The following P2RX1 variants were observed in gnomAD, a reference collection of about 807,000 sequenced individuals.
P2RX1 encodes the protein purinergic receptor P2X 1, also known as P2X purinoceptor 1.
Under a neutral mutation model 50.3 loss-of-function variants are expected in P2RX1, and 42 were observed. The observed-to-expected ratio is 0.83, with a 90% CI of 0.65 to 1.08. P2RX1 has a LOEUF of 1.08. Ranked by LOEUF, P2RX1 falls within the 50% of genes least tolerant of loss-of-function variation. The pLI is 0.00. For synonymous variants in P2RX1, 199 were observed against 202.6 expected, an observed-to-expected ratio of 0.98 and a Z score of 0.15; for missense variants, 449 against 529.0, an observed-to-expected ratio of 0.85 and a Z score of 1.48.
chr17:3,904,385 G>A lies in P2RX1; in HGVS notation c.372C>T (p.Gly124=). Residue 124 remains glycine (G), a synonymous_variant, in exon 4 of 12, where the codon GGC becomes GGT. Transcript: ENST00000225538. ...TACAGCCACTGTCTTCCTTGCATAT[G>A]CCCCCTTCTGGGTGCTGGGGGAGGC... ...QGYCAEHPEG[G]ICKEDSGCTP... The A allele has an allele frequency of 6.2e-7, 1 of 1,613,892 alleles. No homozygotes were observed. Among genetic ancestry groups the A allele is most frequent in the Non-Finnish European group, 8.5e-7 (1 of 1,179,914 alleles).
chr17:3,901,049 T>C (rs528542756), intron 7 of P2RX1, among the ~76,000 whole-genome samples: 1 of 152,166 alleles, frequency 6.6e-6, no homozygotes, highest in Non-Finnish European at 1.5e-5. Context: ...AAGTTCCCAG[T>C]TGAAGATGGC....
chr17:3,908,118 C>A (rs1035117405), intron 1 of P2RX1, among the ~76,000 whole-genome samples: 6 of 152,196 alleles, frequency 3.9e-5, no homozygotes, highest in Admixed American at 6.5e-5. Context: ...CTGGCTTCGA[C>A]GTGTCTCCCA....
chr17:3,899,609 G>C (rs1444756684), intron 8 of P2RX1, 25 bp downstream of exon 8: 2 of 1,611,514 alleles, frequency 1.2e-6, no homozygotes, highest in South Asian at 1.1e-5. Context: ...AAGGAAGAAT[G>C]TGCTGCTGGG....
intron 7 of P2RX1, among the ~76,000 whole-genome samples, chr17:3,901,376 G>A (rs1415636559): frequency 1.3e-5 from 2 of 152,180 alleles, no homozygotes; most frequent in African/African-American, 2.4e-5. Flanking sequence ...CCTGATGACA[G>A]GGAGATTTTT....
intron 1 of P2RX1, among the ~76,000 whole-genome samples, chr17:3,907,328 T>TGTGTGTGTGTGTGTGTGTGTG (rs1555548651): frequency 6.7e-6 from 1 of 148,738 alleles, no homozygotes; most frequent in African/African-American, 2.5e-5. Flanking sequence ...TGTGTGTGTG[T>TGTGTGTGTGTGTGTGTGTGTG]TGGGGTATGG....
At chr17:3,899,533 GCTC>G in intron 8 of P2RX1, 98 bp downstream of exon 8, 1 of 1,498,348 alleles carries the variant, frequency 6.7e-7, no homozygotes, top group Non-Finnish European at 9.2e-7. Context: ...AGGACCCTCT[GCTC>G]CCCTCTGGGG....
At chr17:3,904,293 G>C (rs1184831487) in intron 4 of P2RX1, 37 bp downstream of exon 4, 3 of 1,584,410 alleles carry the variant, frequency 1.9e-6, no homozygotes, top group African/African-American at 2.7e-5. Context: ...GACCGCAGCC[G>C]GGGGACTGTG....
At chr17:3,915,205 C>A (rs1235341393) in intron 1 of P2RX1, 3 of 344,566 alleles carry the variant, frequency 8.7e-6, no homozygotes. Context: ...TCTGCAGAGT[C>A]ACTGTGAGTG....
chr17:3,897,691 GCT>G lies in P2RX1; in HGVS notation c.*121_*122del. On this transcript the variant is annotated 3_prime_UTR_variant, in exon 12 of 12. Transcript: ENST00000225538. ...ATGCACCCTGAGCTTCTGGCAAACT[GCT>G]CTCTGCCTGGCTGAGAGGGTAGGAG... is the stretch of plus-strand genomic sequence containing the variant. 1.2e-6 allele frequency: 1 copy of G among 857,272 alleles called. No individual in the cohort carries two copies. Among genetic ancestry groups the G allele is most frequent in the Non-Finnish European group, 1.9e-6 (1 of 526,730 alleles). The allele number at this position is 857,272 out of a possible 1,614,324, so 53.1% of individuals were successfully genotyped here. A position where few individuals can be genotyped will look rare whatever the true frequency, so the allele number is the denominator to read the frequency against.
At chr17:3,899,871 C>A in intron 7 of P2RX1, 110 bp from the exon 8 acceptor site, 1 of 1,355,000 alleles carries the variant, frequency 7.4e-7, no homozygotes, top group East Asian at 2.6e-5. Flanking sequence ...GAGGCAGAGG[C>A]GGGTGGATCA....
chr17:3,899,063 G>A (rs1286291297), intron 8 of P2RX1, 39 bp from the exon 9 acceptor site: 1 of 1,424,012 alleles, frequency 7.0e-7, no homozygotes, highest in Admixed American at 1.7e-5. Context: ...GTGATGGAGG[G>A]GACTGTCTTG....
chr17:3,904,247 C>T, intron 4 of P2RX1, 83 bp downstream of exon 4: 8 of 1,344,288 alleles, frequency 6.0e-6, no homozygotes, highest in Non-Finnish European at 7.4e-6. Flanking sequence ...TGGAGAGAGG[C>T]AGGTCAGCAC....
At chr17:3,900,369 A>G (rs9909068) in intron 7 of P2RX1, among the ~76,000 whole-genome samples, 27,791 of 151,732 alleles carry the variant, frequency 0.18, 2,871 homozygotes, top group South Asian at 0.25. Flanking sequence ...CAGGAGAATC[A>G]TTTGAACCCG....
rs1411447399 is a variant in P2RX1, at chr17:3,916,127, G to A, written c.99C>T (p.Phe33=). 6.2e-7 allele frequency: 1 copy of A among 1,613,566 alleles called. No individual in the cohort carries two copies. Among genetic ancestry groups the A allele is most frequent in the Non-Finnish European group, 8.5e-7 (1 of 1,180,028 alleles). ...CCAGGACCACCAGCTGGATCAGTCGGAAGATAACGCCCACCTTCTTATTAC... is the reference window on the plus strand; with the variant it reads ...CCAGGACCACCAGCTGGATCAGTCGAAAGATAACGCCCACCTTCTTATTAC... ...LVRNKKVGVI[F]RLIQLVVLVY... The change falls in exon 1 of 12, where the codon TTC becomes TTT. Residue 33 remains phenylalanine, a synonymous_variant. Transcript: ENST00000225538.
rs1051285828 is a variant in P2RX1, at chr17:3,914,629, G to T, written c.137+1460C>A. Reference sequence around the variant, plus strand: ...AGGGACGGTCAGGAGTGATACTAAGGGTGGACTTCCGGCCCGTCCTGTACC... The same window carrying T: ...AGGGACGGTCAGGAGTGATACTAAGTGTGGACTTCCGGCCCGTCCTGTACC... On this transcript the variant is annotated intron_variant, in intron 1 of 11. Transcript: ENST00000225538. The surrounding 1 kb of genome is among the most constrained non-coding windows in gnomAD (Gnocchi z 4.1). Among the ~76,000 whole-genome samples the T allele has an allele frequency of 6.6e-6, 1 of 152,184 alleles. No individual in the cohort carries two copies. Among genetic ancestry groups the T allele is most frequent in the Non-Finnish European group, 1.5e-5 (1 of 68,024 alleles).
chr17:3,916,048 G>C, intron 1 of P2RX1, 41 bp downstream of exon 1: 2 of 1,611,412 alleles, frequency 1.2e-6, no homozygotes, highest in Non-Finnish European at 1.7e-6. Flanking sequence ...ACAGGCCCGG[G>C]GTAGGGGCTG....
intron 1 of P2RX1, among the ~76,000 whole-genome samples, chr17:3,906,953 G>T (rs560128745): frequency 2.0e-5 from 3 of 152,312 alleles, no homozygotes; most frequent in Admixed American, 6.5e-5. Context: ...AAGCAGGGTG[G>T]CTGCAAGACG....
In P2RX1 at chr17:3,904,321, T is replaced by C. The variant is rs879785576; in HGVS notation, c.427+9A>G. The C allele has an allele frequency of 3.7e-6, 6 of 1,612,978 alleles. No homozygotes were observed. Among genetic ancestry groups the C allele is most frequent in the Non-Finnish European group, 5.1e-6 (6 of 1,179,186 alleles). On this transcript the variant is annotated intron_variant, in intron 4 of 11. Transcript: ENST00000225538. ...GGACTGTGGAGGGACAGGAGGAGGC[T>C]GACCTTACCTTGGGCCTTCCTCTTG...
intron 1 of P2RX1, among the ~76,000 whole-genome samples, chr17:3,909,703 C>T (rs914579215): frequency 1.3e-5 from 2 of 152,116 alleles, no homozygotes; most frequent in African/African-American, 4.8e-5. Flanking sequence ...AAAACAAACA[C>T]GTATTTATCC....
Sources: allele counts gnomAD v4.1 joint callset (sites outside exome capture counted in the v4.1 genomes callset), GRCh38; gene constraint gnomAD v4.1.1; non-coding constraint Gnocchi (gnomAD v3.1); transcripts MANE v1.5; gene names NCBI Gene and HGNC (gene_info 2026-07-23, HGNC 2026-07-21).